Variants in DCC observed in about 807,000 individuals in gnomAD.
DCC encodes DCC netrin 1 receptor, also known as netrin receptor DCC.
In DCC, 58 loss-of-function variants were observed where a neutral mutation model predicts 172.5. The ratio of observed to expected loss-of-function variants is 0.34; its 90% CI spans 0.27 to 0.42. The LOEUF is 0.42. DCC is among the 10% of genes least tolerant of loss of function. The pLI is 1.00. For missense variants in DCC, 1,740 were observed against 1,791.0 expected, an observed-to-expected ratio of 0.97 and a Z score of 0.51; for synonymous variants, 709 against 644.5, an observed-to-expected ratio of 1.10 and a Z score of -1.52.
At chr18:52,575,611 C>T (rs2033390500) in intron 1 of DCC, among the ~76,000 whole-genome samples, 1 of 151,696 alleles carries the variant, frequency 6.6e-6, no homozygotes, top group South Asian at 2.1e-4. Flanking sequence ...TGTTTTTTTC[C>T]TACCTTTGTA....
chr18:53,037,253 A>T (rs1346190476), intron 5 of DCC, among the ~76,000 whole-genome samples: 1 of 152,034 alleles, frequency 6.6e-6, no homozygotes, highest in African/African-American at 2.4e-5. Context: ...TGTCAAGTCC[A>T]CCTAGGAAAA....
At chr18:52,698,726 G>C (rs2036052532) in intron 1 of DCC, among the ~76,000 whole-genome samples, 1 of 151,144 alleles carries the variant, frequency 6.6e-6, no homozygotes, top group Non-Finnish European at 1.5e-5. Context: ...AGCCTCCCGA[G>C]TAGCTGGGAT....
intron 1 of DCC, among the ~76,000 whole-genome samples, chr18:52,346,938 A>C (rs935371248): frequency 1.3e-5 from 2 of 152,308 alleles, no homozygotes; most frequent in South Asian, 4.1e-4. Context: ...CCAGGGAGGA[A>C]GACCCTTTAA....
chr18:52,888,766 A>G (rs1273413712), intron 2 of DCC, among the ~76,000 whole-genome samples: 1 of 152,078 alleles, frequency 6.6e-6, no homozygotes, highest in Non-Finnish European at 1.5e-5. Context: ...TTTACCATAT[A>G]TTTTAGCAAG....
chr18:53,478,761 CACAA>C (rs555604368), intron 25 of DCC, among the ~76,000 whole-genome samples: 70 of 152,304 alleles, frequency 4.6e-4, no homozygotes, highest in Middle Eastern at 6.8e-3. Context: ...GGCTGTAGAA[CACAA>C]ACAGTGACTT....
chr18:53,146,276 A>G (rs2043912520), intron 7 of DCC, among the ~76,000 whole-genome samples: 2 of 152,166 alleles, frequency 1.3e-5, no homozygotes, highest in South Asian at 4.1e-4. Context: ...GAAAAAAAAG[A>G]AATTTATTTC....
intron 4 of DCC, among the ~76,000 whole-genome samples, chr18:52,924,725 G>A (rs2040175397): frequency 6.6e-6 from 1 of 151,888 alleles, no homozygotes; most frequent in African/African-American, 2.4e-5. Flanking sequence ...ACAAGGCATG[G>A]CATATGATAT....
chr18:52,641,683 A>C (rs1003925534), intron 1 of DCC, among the ~76,000 whole-genome samples: 1 of 152,086 alleles, frequency 6.6e-6, no homozygotes, highest in Non-Finnish European at 1.5e-5. Context: ...TTATTCCTGC[A>C]AGAATGGCCA....
chr18:52,915,678 T>C (rs919572155), intron 3 of DCC, among the ~76,000 whole-genome samples: 3 of 151,956 alleles, frequency 2.0e-5, no homozygotes, highest in Non-Finnish European at 4.4e-5. Context: ...AATATAGTAA[T>C]TGAACATATT....
chr18:52,620,975 C>G (rs1448211167), intron 1 of DCC, among the ~76,000 whole-genome samples: 3 of 152,202 alleles, frequency 2.0e-5, no homozygotes, highest in African/African-American at 7.2e-5. Context: ...TGTCTCCCAA[C>G]TCTTCATATT....
intron 1 of DCC, among the ~76,000 whole-genome samples, chr18:52,530,559 G>A (rs189105461): frequency 7.2e-5 from 11 of 152,292 alleles, no homozygotes; most frequent in Admixed American, 6.5e-4. Context: ...ATGGTACATA[G>A]GAGGTGCTTG....
At chr18:53,379,128 G>C (rs989038191) in intron 15 of DCC, among the ~76,000 whole-genome samples, 4 of 152,214 alleles carry the variant, frequency 2.6e-5, no homozygotes, top group South Asian at 2.1e-4. Context: ...CCGTCTGACA[G>C]CAATCCCATG....
chr18:53,111,445 TA>T (rs34772861), intron 7 of DCC, among the ~76,000 whole-genome samples: 4,638 of 140,562 alleles, frequency 0.033, 98 homozygotes, highest in East Asian at 0.11. Context: ...AAAGAAAGAT[TA>T]AAAAAAAAAA....
At chr18:53,300,369 A>G (rs540478071) in intron 12 of DCC, among the ~76,000 whole-genome samples, 1 of 152,226 alleles carries the variant, frequency 6.6e-6, no homozygotes, top group East Asian at 1.9e-4. Flanking sequence ...CATACTGTAA[A>G]CAAGCACCCT....
chr18:52,345,874 T>C (rs1402859225), intron 1 of DCC, among the ~76,000 whole-genome samples: 27 of 152,218 alleles, frequency 1.8e-4, no homozygotes. Context: ...CCAATATTAT[T>C]GAAGTTCTAG....
At chr18:53,203,007 C>T (rs907436244) in intron 9 of DCC, among the ~76,000 whole-genome samples, 1 of 152,046 alleles carries the variant, frequency 6.6e-6, no homozygotes, top group East Asian at 1.9e-4. Context: ...GGGAGTGCTA[C>T]ACAAATGACA....
chr18:53,052,714 T>C (rs1278088727), intron 5 of DCC, among the ~76,000 whole-genome samples: 4 of 152,110 alleles, frequency 2.6e-5, no homozygotes, highest in African/African-American at 9.7e-5. Flanking sequence ...CTCCTACTCT[T>C]GTTTGTGGGA....
intron 5 of DCC, among the ~76,000 whole-genome samples, chr18:52,979,916 G>A (rs1439009076): frequency 6.6e-6 from 1 of 152,160 alleles, no homozygotes; most frequent in East Asian, 1.9e-4. Context: ...GTTGCAAAGG[G>A]CAACTTCAAC....
intron 5 of DCC, among the ~76,000 whole-genome samples, chr18:52,927,109 G>GTGTATATACGTGTA (rs1568192051): frequency 1.2e-5 from 1 of 84,952 alleles, no homozygotes; most frequent in Non-Finnish European, 2.6e-5. Context: ...GTATATACAC[G>GTGTATATACGTGTA]TATATACGTG....
Sources: gnomAD v4.1 joint callset for allele counts (sites outside exome capture counted in the v4.1 genomes callset) on GRCh38, gnomAD v4.1.1 for gene constraint, MANE v1.5 for transcripts, NCBI Gene and HGNC (gene_info 2026-07-23, HGNC 2026-07-21) for gene names.